Variants in TMEM229A observed in about 807,000 individuals in gnomAD.
TMEM229A encodes the protein transmembrane protein 229A.
Under a neutral mutation model 30.0 loss-of-function variants are expected in TMEM229A, and 23 were observed. The observed-to-expected ratio is 0.77, with a 90% CI of 0.55 to 1.09. The LOEUF (loss-of-function observed/expected upper bound fraction) is 1.09, where lower values mean the gene tolerates loss of function less well. Ranked by LOEUF, TMEM229A falls within the 50% of genes least tolerant of loss-of-function variation. TMEM229A has a pLI of 0.00. For synonymous variants in TMEM229A, 264 were observed against 241.5 expected (o/e 1.09, Z -0.86); for missense variants, 534 against 525.9 (o/e 1.02, Z -0.15).
chr7:124,032,032 C>G lies in TMEM229A; in HGVS notation c.972G>C (p.Trp324Cys). ...VIFIYVWELS[W>C]GLGLRTCGAC... ...CCCCGCACGTGCGGAGTCCCAGACC[C>G]CAGGACAGCTCCCACACGTAGATGA... The change falls in exon 1 of 1, where the codon TGG (tryptophan) becomes TGC (cysteine). Residue 324 changes from tryptophan (W) to cysteine (C), a missense_variant. Transcript: ENST00000455783. This position sits in a 1 kb window ranked among gnomAD's most constrained non-coding sequence, Gnocchi z 6.6. 5 of 1,551,704 alleles carry G rather than the reference C, an allele frequency of 3.2e-6. No homozygotes were observed. Among genetic ancestry groups the G allele is most frequent in the Non-Finnish European group, 3.5e-6 (4 of 1,147,000 alleles).
Position 124,032,279 on chromosome 7 carries a change from G to T in TMEM229A, c.725C>A (p.Pro242His), listed in dbSNP as rs940040824. ...GTGCATTCCGAAGAAAAGAAAGCGG[G>T]GTAGGTCGGGCAGCCCCTGGCTGGG... ...GAPSQGLPDL[P>H]RFLFFGMHGF... Residue 242 changes from proline to histidine, a missense_variant, in exon 1 of 1, where the codon CCC (proline) becomes CAC (histidine). By Grantham distance (77) the Pro-to-His change is moderately conservative. Transcript: ENST00000455783. The surrounding 1 kb of genome is among the most constrained non-coding windows in gnomAD (Gnocchi z 6.6). The T allele has an allele frequency of 6.4e-7, 1 of 1,551,278 alleles. No homozygotes were observed.
In TMEM229A at chr7:124,032,605, C is replaced by T. The variant is rs1379001072; in HGVS notation, c.399G>A (p.Gln133=). ...LLYPSAHVGL[Q]TLAGQALLLS... is the part of the protein sequence containing the mutation. ...GTAGTAGCGCCTGGCCCGCTAGGGT[C>T]TGCAGCCCCACGTGGGCCGAGGGGT... The change falls in exon 1 of 1, where the codon CAG becomes CAA. Residue 133 remains glutamine, a synonymous_variant. Coordinates refer to ENST00000455783, the MANE Select transcript of TMEM229A (RefSeq NM_001136002.2). This position sits in a 1 kb window ranked among gnomAD's most constrained non-coding sequence, Gnocchi z 6.6. 7 of 1,551,016 alleles carry T rather than the reference C, an allele frequency of 4.5e-6. No homozygotes were observed. Among genetic ancestry groups the T allele is most frequent in the Non-Finnish European group, 5.2e-6 (6 of 1,146,640 alleles).
rs1248734230 is a variant in TMEM229A, at chr7:124,032,959, G to A, written c.45C>T (p.Gly15=). 5 of 1,330,834 alleles carry A rather than the reference G, an allele frequency of 3.8e-6. No homozygotes were observed. The African/African-American group carries it at 7.7e-5, about 21-fold the overall frequency. The allele number at this position is 1,330,834 out of a possible 1,614,324, so 82.4% of individuals were successfully genotyped here. Reference sequence around the variant, plus strand: ...GGGCCCCCGGACGCCGCGCCGCGCCGCCCCTCCGTGCGGGGCCCTCGCTGT... The same window carrying A: ...GGGCCCCCGGACGCCGCGCCGCGCCACCCCTCCGTGCGGGGCCCTCGCTGT... The part of the protein sequence containing the change: ...DVDSEGPARR[G]GAARRPGAPG... Residue 15 remains glycine (G), a synonymous_variant, in exon 1 of 1, where the codon GGC becomes GGT. Coordinates refer to ENST00000455783, the MANE Select transcript of TMEM229A (RefSeq NM_001136002.2). This position sits in a 1 kb window ranked among gnomAD's most constrained non-coding sequence, Gnocchi z 6.6.
In TMEM229A at chr7:124,031,883, A is replaced by G; in HGVS notation, c.1121T>C (p.Val374Ala). Residue 374 changes from valine (V) to alanine (A), a missense_variant, in exon 1 of 1, where the codon GTG becomes GCG. Val to Ala is a moderately conservative substitution (Grantham distance 64). Coordinates refer to ENST00000455783, the MANE Select transcript of TMEM229A (RefSeq NM_001136002.2). The surrounding 1 kb of genome is among the most constrained non-coding windows in gnomAD (Gnocchi z 4.1). ...GTTTTAGTTAGCTGGTACGTACTGC[A>G]CCCTCCACAACACGTTGGAAATTAG... The part of the protein sequence containing the change: ...QDLISNVLWR[V>A]QYVPAN The G allele has an allele frequency of 2.6e-6, 4 of 1,551,160 alleles. No homozygotes were observed. The highest frequency in any genetic ancestry group is 3.5e-6 in the Non-Finnish European group (4 of 1,146,802).
chr7:124,032,415 G>A lies in TMEM229A; in HGVS notation c.589C>T (p.Gln197Ter). 1 of 1,544,064 alleles carries A rather than the reference G, an allele frequency of 6.5e-7. No individual in the cohort carries two copies. ...AGCGCGCCCCTCCGCTGCTGCTGCTGCTGCTGCTGCTGCTGTTGCTGCTGC... is the reference window on the plus strand; with the variant it reads ...AGCGCGCCCCTCCGCTGCTGCTGCTACTGCTGCTGCTGCTGTTGCTGCTGC... ...RRQQQQQQQQ[Q>*]QQQRRGALPV... Residue 197 changes from glutamine (Q) to a stop codon, truncating the protein, a stop_gained, in exon 1 of 1, where the codon CAG becomes TAG. Transcript: ENST00000455783. LOFTEE classifies it high-confidence loss of function. The surrounding 1 kb of genome is among the most constrained non-coding windows in gnomAD (Gnocchi z 6.6).
chr7:124,032,297 T>C lies in TMEM229A; in HGVS notation c.707A>G (p.Gln236Arg). 2 of 1,550,666 alleles carry C rather than the reference T, an allele frequency of 1.3e-6. No homozygotes were observed. Among genetic ancestry groups the C allele is most frequent in the African/African-American group, 1.4e-5 (1 of 73,154 alleles). ...GPRGAGGAPS[Q>R]GLPDLPRFLF... The stretch of plus-strand genomic sequence containing the variant: ...AAAGCGGGGTAGGTCGGGCAGCCCC[T>C]GGCTGGGGGCTCCCCCGGCGCCCCT... Residue 236 changes from glutamine to arginine, a missense_variant, in exon 1 of 1, where the codon CAG (glutamine) becomes CGG (arginine). By Grantham distance (43) the Gln-to-Arg change is conservative (BLOSUM62 1). Coordinates refer to ENST00000455783, the MANE Select transcript of TMEM229A (RefSeq NM_001136002.2). The surrounding 1 kb of genome is among the most constrained non-coding windows in gnomAD (Gnocchi z 6.6).
Position 124,031,729 on chromosome 7 carries a change from T to C in TMEM229A, c.*132A>G. On this transcript the variant is annotated 3_prime_UTR_variant, in exon 1 of 1. Coordinates refer to ENST00000455783, the MANE Select transcript of TMEM229A (RefSeq NM_001136002.2). The surrounding 1 kb of genome is among the most constrained non-coding windows in gnomAD (Gnocchi z 4.1). ...AACTAAAAGGTGGAATAAAACAATT[T>C]GGAAGAGTTTAGTAAAGCGTATAAA... 1.1e-6 allele frequency: 1 copy of C among 946,710 alleles called. No homozygotes were observed. The highest frequency in any genetic ancestry group is 1.5e-6 in the Non-Finnish European group (1 of 668,504). The allele number at this position is 946,710 out of a possible 1,614,324, so 58.6% of individuals were successfully genotyped here.
At position 124,032,328 on chromosome 7, in the gene TMEM229A, C is replaced by T. The variant is rs758668649; in HGVS notation, c.676G>A (p.Gly226Ser). Reference protein sequence around the residue: ...AAGARRRRPRGPRGAGGAPSQ... With the variant: ...AAGARRRRPRSPRGAGGAPSQ... ...GGGGCTCCCCCGGCGCCCCTGGGGC[C>T]ACGGGGTCGTCGCCGCCGGGCTCCG... Residue 226 changes from glycine to serine, a missense_variant, in exon 1 of 1, where the codon GGC becomes AGC. Transcript: ENST00000455783. This position sits in a 1 kb window ranked among gnomAD's most constrained non-coding sequence, Gnocchi z 6.6. The T allele has an allele frequency of 3.2e-5, 49 of 1,545,262 alleles. No individual in the cohort carries two copies. The African/African-American group carries it at 6.3e-4, about 20-fold the overall frequency.
Position 124,031,122 on chromosome 7 carries a change from G to C in TMEM229A, c.*739C>G, listed in dbSNP as rs962388312. The C allele has an allele frequency of 1.3e-5, 2 of 152,122 alleles. No homozygotes were observed. The highest frequency in any genetic ancestry group is 2.9e-5 in the Non-Finnish European group (2 of 68,024). The allele number at this position is 152,122 out of a possible 1,614,324, so 9.4% of individuals were successfully genotyped here. On this transcript the variant is annotated 3_prime_UTR_variant, in exon 1 of 1. Coordinates refer to ENST00000455783, the MANE Select transcript of TMEM229A (RefSeq NM_001136002.2). The surrounding 1 kb of genome is among the most constrained non-coding windows in gnomAD (Gnocchi z 4.1). ...ATAGATAACACAGGATCTGATCAACGTTAACACACCTGCTGTTTAAGGCTT... is the reference window on the plus strand; with the variant it reads ...ATAGATAACACAGGATCTGATCAACCTTAACACACCTGCTGTTTAAGGCTT...
Position 124,032,927 on chromosome 7 carries a change from C to A in TMEM229A, c.77G>T (p.Gly26Val). Residue 26 changes from glycine (G) to valine (V), a missense_variant, in exon 1 of 1, where the codon GGG becomes GTG. Physicochemically the swap from Gly to Val is moderately radical, Grantham distance 109. Coordinates refer to ENST00000455783, the MANE Select transcript of TMEM229A (RefSeq NM_001136002.2). The surrounding 1 kb of genome is among the most constrained non-coding windows in gnomAD (Gnocchi z 6.6). ...GAARRPGAPG[G>V]PGSEAAAGCP... is the part of the protein sequence containing the mutation. ...GCCGGCTGCCGCCTCGCTTCCTGGC[C>A]CGCCAGGGGCCCCCGGACGCCGCGC... The A allele has an allele frequency of 7.3e-7, 1 of 1,362,298 alleles. No individual in the cohort carries two copies. Among genetic ancestry groups the A allele is most frequent in the Non-Finnish European group, 9.4e-7 (1 of 1,061,780 alleles). The allele number at this position is 1,362,298 out of a possible 1,614,324, so 84.4% of individuals were successfully genotyped here.
In TMEM229A at chr7:124,032,337, G is replaced by C. The variant is rs778242647; in HGVS notation, c.667C>G (p.Arg223Gly). Residue 223 changes from arginine to glycine, a missense_variant, in exon 1 of 1, where the codon CGA (arginine) becomes GGA (glycine). Transcript: ENST00000455783. This position sits in a 1 kb window ranked among gnomAD's most constrained non-coding sequence, Gnocchi z 6.6. ...CCGGCGCCCCTGGGGCCACGGGGTC[G>C]TCGCCGCCGGGCTCCGGCCGCAGTA... ...VPTAAGARRR[R>G]PRGPRGAGGA... The C allele has an allele frequency of 8.4e-6, 13 of 1,542,856 alleles. 1 individual carries two copies. In the South Asian group the frequency reaches 1.6e-4, roughly 18 times the overall value.
In TMEM229A at chr7:124,032,734, C is replaced by T. The variant is rs1386036786; in HGVS notation, c.270G>A (p.Ser90=). 1 of 1,551,394 alleles carries T rather than the reference C, an allele frequency of 6.4e-7. No individual in the cohort carries two copies. Among genetic ancestry groups the T allele is most frequent in the East Asian group, 2.4e-5 (1 of 40,870 alleles). Residue 90 remains serine, a synonymous_variant, in exon 1 of 1, where the codon TCG becomes TCA. Transcript: ENST00000455783. This position sits in a 1 kb window ranked among gnomAD's most constrained non-coding sequence, Gnocchi z 6.6. ...SPDLRMLGFS[S]PYRCLLHSLT... is the part of the protein sequence containing the mutation. ...GCGAGTGCAGCAGGCAGCGGTAGGGCGAGGAGAAGCCTAGCATCCGCAGGT... is the reference window on the plus strand; with the variant it reads ...GCGAGTGCAGCAGGCAGCGGTAGGGTGAGGAGAAGCCTAGCATCCGCAGGT...
Position 124,032,137 on chromosome 7 carries a change from G to T in TMEM229A, c.867C>A (p.Phe289Leu). ...GGTGGAAGTAGAGCTTTTCCACCAC[G>T]AAACTGCAGCTGCCGTACATAAAGA... The part of the protein sequence containing the change: ...WSFFMYGSCS[F>L]VVEKLYFHLH... The change falls in exon 1 of 1, where the codon TTC becomes TTA. Residue 289 changes from phenylalanine to leucine, a missense_variant. By Grantham distance (22) the Phe-to-Leu change is conservative (BLOSUM62 0). Transcript: ENST00000455783. This position sits in a 1 kb window ranked among gnomAD's most constrained non-coding sequence, Gnocchi z 6.6. 4.5e-6 allele frequency: 7 copies of T among 1,551,714 alleles called. No homozygotes were observed. Among genetic ancestry groups the T allele is most frequent in the Non-Finnish European group, 6.1e-6 (7 of 1,147,000 alleles).
Position 124,031,900 on chromosome 7 carries a change from G to A in TMEM229A, c.1104C>T (p.Ser368=). The change falls in exon 1 of 1, where the codon TCC becomes TCT. Residue 368 remains serine, a synonymous_variant. Coordinates refer to ENST00000455783, the MANE Select transcript of TMEM229A (RefSeq NM_001136002.2). The surrounding 1 kb of genome is among the most constrained non-coding windows in gnomAD (Gnocchi z 4.1). ...IFLSVYQDLI[S]NVLWRVQYVP... ...CGTACTGCACCCTCCACAACACGTT[G>A]GAAATTAGGTCCTGGTACACACTAA... The A allele has an allele frequency of 5.8e-6, 9 of 1,551,600 alleles. No homozygotes were observed. The highest frequency in any genetic ancestry group is 7.8e-6 in the Non-Finnish European group (9 of 1,146,986).
In TMEM229A at chr7:124,032,449, C is replaced by G. The variant is rs1793149365; in HGVS notation, c.555G>C (p.Gln185His). The G allele has an allele frequency of 1.3e-6, 2 of 1,548,016 alleles. No individual in the cohort carries two copies. The highest frequency in any genetic ancestry group is 1.7e-6 in the Non-Finnish European group (2 of 1,146,416). Residue 185 changes from glutamine (Q) to histidine (H), a missense_variant, in exon 1 of 1, where the codon CAG becomes CAC. Physicochemically the swap from Gln to His is conservative, Grantham distance 24. Coordinates refer to ENST00000455783, the MANE Select transcript of TMEM229A (RefSeq NM_001136002.2). The surrounding 1 kb of genome is among the most constrained non-coding windows in gnomAD (Gnocchi z 6.6). ...GCTGCTGTTGCTGCTGCCGCCGCCT[C>G]TGTCGCCCGTACCGCAAGCGCAGGA... ...KRFLRLRYGR[Q>H]RRRQQQQQQQ... is the part of the protein sequence containing the mutation.
Position 124,032,944 on chromosome 7 carries a change from ACGCCG to A in TMEM229A, c.55_59del (p.Arg19SerfsTer23), listed in dbSNP as rs1229631602. 7.5e-7 allele frequency: 1 copy of A among 1,341,028 alleles called. No individual in the cohort carries two copies. Among genetic ancestry groups the A allele is most frequent in the Non-Finnish European group, 9.5e-7 (1 of 1,051,630 alleles). The allele number at this position is 1,341,028 out of a possible 1,614,324, so 83.1% of individuals were successfully genotyped here. On this transcript the variant is annotated frameshift_variant, in exon 1 of 1. Transcript: ENST00000455783. LOFTEE classifies it high-confidence loss of function. The surrounding 1 kb of genome is among the most constrained non-coding windows in gnomAD (Gnocchi z 6.6). ...TTCCTGGCCCGCCAGGGGCCCCCGG[ACGCCG>A]CGCCGCGCCGCCCCTCCGTGCGGGG...
In TMEM229A at chr7:124,031,251, CA is replaced by C. The variant is rs1172674020; in HGVS notation, c.*609del. ...AAGACCTCTCATTTAAAAATCTGTT[CA>C]TAGAACGTGCTTTCACATTTTTCAG... is the stretch of plus-strand genomic sequence containing the variant. On this transcript the variant is annotated 3_prime_UTR_variant, in exon 1 of 1. Transcript: ENST00000455783. This position sits in a 1 kb window ranked among gnomAD's most constrained non-coding sequence, Gnocchi z 4.1. 1.3e-5 allele frequency: 2 copies of C among 152,220 alleles called. No homozygotes were observed. Among genetic ancestry groups the C allele is most frequent in the Non-Finnish European group, 2.9e-5 (2 of 68,040 alleles). The allele number at this position is 152,220 out of a possible 1,614,324, so 9.4% of individuals were successfully genotyped here.
rs759283302 is a variant in TMEM229A, at chr7:124,032,091, C to T, written c.913G>A (p.Gly305Ser). ...TAGATGGGCACCCGCTTCCAAGTGC[C>T]CCAACCGCGGCTGTAGTGGAGGTGG... ...YFHLHYSRGW[G>S]TWKRVPIYVI... The change falls in exon 1 of 1, where the codon GGC becomes AGC. Residue 305 changes from glycine (G) to serine (S), a missense_variant. Gly to Ser is a moderately conservative substitution (Grantham distance 56, BLOSUM62 0). Coordinates refer to ENST00000455783, the MANE Select transcript of TMEM229A (RefSeq NM_001136002.2). This position sits in a 1 kb window ranked among gnomAD's most constrained non-coding sequence, Gnocchi z 6.6. 4.2e-5 allele frequency: 65 copies of T among 1,551,604 alleles called. 2 individuals carry two copies. In the South Asian group the frequency reaches 5.5e-4, roughly 13 times the overall value.
Position 124,032,168 on chromosome 7 carries a change from C to G in TMEM229A, c.836G>C (p.Trp279Ser). 1 of 1,551,860 alleles carries G rather than the reference C, an allele frequency of 6.4e-7. No individual in the cohort carries two copies. Among genetic ancestry groups the G allele is most frequent in the Non-Finnish European group, 8.7e-7 (1 of 1,147,028 alleles). ...GCAGCTGCCGTACATAAAGAAGGAC[C>G]AGAGCGACGTGTGGCCGCTGGTTGT... ...DGTTSGHTSL[W>S]SFFMYGSCSF... The change falls in exon 1 of 1, where the codon TGG becomes TCG. Residue 279 changes from tryptophan (W) to serine (S), a missense_variant. Physicochemically the swap from Trp to Ser is radical, Grantham distance 177. Transcript: ENST00000455783. This position sits in a 1 kb window ranked among gnomAD's most constrained non-coding sequence, Gnocchi z 6.6.
Sources: gnomAD v4.1 joint callset for allele counts on GRCh38, gnomAD v4.1.1 for gene constraint, Gnocchi (gnomAD v3.1) non-coding constraint, MANE v1.5 for transcripts, NCBI Gene and HGNC (gene_info 2026-07-23, HGNC 2026-07-21) for gene names.